Variants in ZNF770 observed in about 807,000 individuals in gnomAD.
ZNF770 encodes zinc finger protein 770.
A neutral mutation model predicts 44.8 loss-of-function variants in ZNF770; 13 were observed. The ratio of observed to expected loss-of-function variants is 0.29; its 90% CI spans 0.19 to 0.46. ZNF770 has a LOEUF of 0.46. ZNF770 is among the 20% of genes least tolerant of loss of function. The pLI, the probability that ZNF770 is intolerant of heterozygous loss-of-function variation, is 1.00. For missense variants in ZNF770, 681 were observed against 797.9 expected (o/e 0.85, Z 1.77); for synonymous variants, 304 against 271.8 (o/e 1.12, Z -1.17).
intron 2 of ZNF770, among the ~76,000 whole-genome samples, chr15:34,983,823 T>G (rs2050417925): frequency 6.6e-6 from 1 of 152,192 alleles, no homozygotes; most frequent in African/African-American, 2.4e-5. Context: ...TTAGGTAGAT[T>G]TGCCAGTATT....
chr15:34,984,974 A>G (rs1417579055), intron 2 of ZNF770, among the ~76,000 whole-genome samples: 2 of 152,028 alleles, frequency 1.3e-5, no homozygotes, highest in Non-Finnish European at 2.9e-5. Context: ...CTCGACTAAA[A>G]ATACAAAAAT....
rs571909757 is a variant in ZNF770 at position 34,988,068 on chromosome 15, G to A, written c.-174+48C>T. The stretch of plus-strand genomic sequence containing the variant: ...GTGGGGAAGTGAGAAAGCAAAAGGA[G>A]CTCAGGAACTGAGGTTGTGGAGCCC... On this transcript the variant is annotated intron_variant, in intron 1 of 2. Transcript: ENST00000356321. 3.9e-5 allele frequency: 6 copies of A among 152,448 alleles called. No homozygotes were observed. The South Asian group carries it at 1.2e-3, about 32-fold the overall frequency. The allele number at this position is 152,448 out of a possible 1,614,324, so 9.4% of individuals were successfully genotyped here.
rs1404385097 is a variant in ZNF770, at chr15:34,982,097, T to C, written c.1338A>G (p.Ser446=). Reference sequence around the variant, plus strand: ...CACAGTTATTAAAGAATTCCTCACCTGATGAACCACAGATTGACAAGTCTT... The same window carrying C: ...CACAGTTATTAAAGAATTCCTCACCCGATGAACCACAGATTGACAAGTCTT... ...NKKDLSICGS[S]GEEFFNNCEV... is the part of the protein sequence containing the mutation. The change falls in exon 3 of 3, where the codon TCA becomes TCG. Residue 446 remains serine (S), a synonymous_variant. Coordinates refer to ENST00000356321, the MANE Select transcript of ZNF770 (RefSeq NM_014106.4). 1.2e-6 allele frequency: 2 copies of C among 1,613,960 alleles called. No individual in the cohort carries two copies. The highest frequency in any genetic ancestry group is 1.7e-5 in the Admixed American group (1 of 60,026).
In ZNF770 at chr15:34,983,065, T is replaced by C; in HGVS notation, c.370A>G (p.Lys124Glu). 7 of 1,614,116 alleles carry C rather than the reference T, an allele frequency of 4.3e-6. No homozygotes were observed. The highest frequency in any genetic ancestry group is 5.1e-6 in the Non-Finnish European group (6 of 1,179,980). The change falls in exon 3 of 3, where the codon AAG (lysine) becomes GAG (glutamate). Residue 124 changes from lysine (K) to glutamate (E), a missense_variant. By Grantham distance (56) the Lys-to-Glu change is moderately conservative (BLOSUM62 1). Coordinates refer to ENST00000356321, the MANE Select transcript of ZNF770 (RefSeq NM_014106.4). ...VRRLLEAKQE[K>E]SMYGVYNTFT... Reference sequence around the variant, plus strand: ...GTATTATACACTCCATACATTGACTTTTCTTGCTTGGCCTCCAGCAATCTT... The same window carrying C: ...GTATTATACACTCCATACATTGACTCTTCTTGCTTGGCCTCCAGCAATCTT...
intron 1 of ZNF770, 96 bp downstream of exon 1, chr15:34,988,019 CT>C (rs1566799924): frequency 1.3e-5 from 2 of 152,296 alleles, no homozygotes; most frequent in African/African-American, 2.4e-5. Context: ...CAAATTTCTG[CT>C]CCGCGTGAGA....
In ZNF770 at chr15:34,982,670, T is replaced by C. The variant is rs1213145667; in HGVS notation, c.765A>G (p.Glu255=). 6.2e-7 allele frequency: 1 copy of C among 1,612,788 alleles called. No individual in the cohort carries two copies. Among genetic ancestry groups the C allele is most frequent in the South Asian group, 1.1e-5 (1 of 91,020 alleles). ...TTAACTTATTAGGCAGGGGGCGAGA[T>C]TCTGTACGCCTCTTCTTTAATAAAA... ...RALLLKKRRT[E]SRPLPNKLNA... The change falls in exon 3 of 3, where the codon GAA becomes GAG. Residue 255 remains glutamate, a synonymous_variant. Transcript: ENST00000356321.
chr15:34,982,081 T>G lies in ZNF770; in HGVS notation c.1354A>C (p.Asn452His). Residue 452 changes from asparagine (N) to histidine (H), a missense_variant, in exon 3 of 3, where the codon AAT becomes CAT. Around this residue, in one of 5 missense-constraint regions of ZNF770, gnomAD observed 432 missense variants for 434.1 expected, o/e 1.00. Coordinates refer to ENST00000356321, the MANE Select transcript of ZNF770 (RefSeq NM_014106.4). ...ICGSSGEEFF[N>H]NCEVLQCGFS... Reference sequence around the variant, plus strand: ...CCACACTGAAGTACCTCACAGTTATTAAAGAATTCCTCACCTGATGAACCA... The same window carrying G: ...CCACACTGAAGTACCTCACAGTTATGAAAGAATTCCTCACCTGATGAACCA... 6.2e-7 allele frequency: 1 copy of G among 1,613,878 alleles called. No individual in the cohort carries two copies. The highest frequency in any genetic ancestry group is 8.5e-7 in the Non-Finnish European group (1 of 1,180,016).
In ZNF770 at chr15:34,982,792, G is replaced by T. The variant is rs764473415; in HGVS notation, c.643C>A (p.Pro215Thr). ...TTTTGACAAAAACAACATTGAAAAG[G>T]TCTTTCTTCTGAATGTGTAAGTTGG... ...IHQLTHSEER[P>T]FQCCFCQKGF... The change falls in exon 3 of 3, where the codon CCT becomes ACT. Residue 215 changes from proline (P) to threonine (T), a missense_variant. Coordinates refer to ENST00000356321, the MANE Select transcript of ZNF770 (RefSeq NM_014106.4). The T allele has an allele frequency of 6.2e-7, 1 of 1,613,874 alleles. No homozygotes were observed. Among genetic ancestry groups the T allele is most frequent in the Non-Finnish European group, 8.5e-7 (1 of 1,179,970 alleles).
chr15:34,985,153 A>G (rs1036103819), intron 2 of ZNF770, among the ~76,000 whole-genome samples: 4 of 143,228 alleles, frequency 2.8e-5, no homozygotes, highest in Non-Finnish European at 6.0e-5. Flanking sequence ...AAAAAAAAAA[A>G]GTTTAGCAAG....
rs550351491 is a variant in ZNF770 at position 34,987,613 on chromosome 15, A to C, written c.-113T>G. ...AAAGCCTGTTGATTTTCTTGTCTTG[A>C]CTAGTACCATTAAAACGATGTGAGG... On this transcript the variant is annotated 5_prime_UTR_variant, in exon 2 of 3. Coordinates refer to ENST00000356321, the MANE Select transcript of ZNF770 (RefSeq NM_014106.4). 6.6e-6 allele frequency: 1 copy of C among 152,366 alleles called. No homozygotes were observed. The highest frequency in any genetic ancestry group is 2.1e-4 in the South Asian group (1 of 4,834). 9.4% of individuals were successfully genotyped at this position (152,366 alleles called of 1,614,324 possible).
In ZNF770 at chr15:34,987,637, G is replaced by A. The variant is rs994865177; in HGVS notation, c.-137C>T. ...GACTAGTACCATTAAAACGATGTGA[G>A]GATTTCACGAAAGTAAGCGAACAAG... On this transcript the variant is annotated 5_prime_UTR_variant, in exon 2 of 3. Transcript: ENST00000356321. The A allele has an allele frequency of 6.6e-6, 1 of 152,174 alleles. No homozygotes were observed. Among genetic ancestry groups the A allele is most frequent in the Non-Finnish European group, 1.5e-5 (1 of 68,034 alleles). 9.4% of individuals were successfully genotyped at this position (152,174 alleles called of 1,614,324 possible).
rs942852558 is a variant in ZNF770 at position 34,988,200 on chromosome 15, G to A, written c.-258C>T. 6.6e-6 allele frequency: 1 copy of A among 152,236 alleles called. No individual in the cohort carries two copies. Among genetic ancestry groups the A allele is most frequent in the African/African-American group, 2.4e-5 (1 of 41,462 alleles). 9.4% of individuals were successfully genotyped at this position (152,236 alleles called of 1,614,324 possible). On this transcript the variant is annotated 5_prime_UTR_variant, in exon 1 of 3. Coordinates refer to ENST00000356321, the MANE Select transcript of ZNF770 (RefSeq NM_014106.4). ...TTTCTGAAGTCCTCCTCACGCATCT[G>A]GAGCTGGCGAGGGCCCGGGAGGCAC...
chr15:34,981,219 C>A lies in ZNF770; in HGVS notation c.*140G>T. 2.5e-6 allele frequency: 2 copies of A among 813,296 alleles called. No individual in the cohort carries two copies. The highest frequency in any genetic ancestry group is 3.7e-6 in the Non-Finnish European group (2 of 539,168). The allele number at this position is 813,296 out of a possible 1,614,324, so 50.4% of individuals were successfully genotyped here. ...TTGTATTAATTTTCTATGTATTCTA[C>A]CTCCTTACTATGCAGGACAAGCAAA... is the stretch of plus-strand genomic sequence containing the variant. On this transcript the variant is annotated 3_prime_UTR_variant, in exon 3 of 3. Transcript: ENST00000356321.
Position 34,982,938 on chromosome 15 carries a change from C to T in ZNF770, c.497G>A (p.Gly166Asp). The change falls in exon 3 of 3, where the codon GGC (glycine) becomes GAC (aspartate). Residue 166 changes from glycine (G) to aspartate (D), a missense_variant. Physicochemically the swap from Gly to Asp is moderately conservative, Grantham distance 94. Around this residue, in one of 5 missense-constraint regions of ZNF770, gnomAD observed 432 missense variants for 434.1 expected, o/e 1.00. Transcript: ENST00000356321. ...RKNIHACTIC[G>D]KMFPSQSKLD... ...TTTTGACTGTGATGGAAACATCTTG[C>T]CACAGATTGTACATGCATGAATATT... 2 of 1,614,014 alleles carry T rather than the reference C, an allele frequency of 1.2e-6. No homozygotes were observed. Among genetic ancestry groups the T allele is most frequent in the Non-Finnish European group, 1.7e-6 (2 of 1,179,992 alleles).
In ZNF770 at chr15:34,981,779, A is replaced by G. The variant is rs373318403; in HGVS notation, c.1656T>C (p.Asn552=). The G allele has an allele frequency of 2.4e-5, 38 of 1,614,078 alleles. No individual in the cohort carries two copies. In the African/African-American group the frequency reaches 4.7e-4, roughly 20 times the overall value. ...ATTGTTGGGAAGCATTATAGTTAAC[A>G]TTATTACCTGAATGATTAGAAAGAT... ...FNNLSNHSGN[N]VNYNASQQCQ... Residue 552 remains asparagine (N), a synonymous_variant, in exon 3 of 3, where the codon AAT becomes AAC. Coordinates refer to ENST00000356321, the MANE Select transcript of ZNF770 (RefSeq NM_014106.4).
chr15:34,979,890 G>A lies in ZNF770; in HGVS notation c.*1469C>T, dbSNP rs928639642. On this transcript the variant is annotated 3_prime_UTR_variant, in exon 3 of 3. Transcript: ENST00000356321. ...CAAAGGCAAATATGAAGGAAAATTT[G>A]TAATTATGAAATAAGTCCTTTGTAG... 6 of 297,054 alleles carry A rather than the reference G, an allele frequency of 2.0e-5. No individual in the cohort carries two copies. The highest frequency in any genetic ancestry group is 1.4e-4 in the African/African-American group (6 of 43,892). 18.4% of individuals were successfully genotyped at this position (297,054 alleles called of 1,614,324 possible).
rs1180301225 is a variant in ZNF770 at position 34,979,556 on chromosome 15, A to G, written c.*1803T>C. Reference sequence around the variant, plus strand: ...CAGGCACACTTCTACATCACTGGGTATTTTACTCAGACTGTCATGTTTCAT... The same window carrying G: ...CAGGCACACTTCTACATCACTGGGTGTTTTACTCAGACTGTCATGTTTCAT... On this transcript the variant is annotated 3_prime_UTR_variant, in exon 3 of 3. Transcript: ENST00000356321. The G allele has an allele frequency of 4.7e-6, 2 of 424,708 alleles. No individual in the cohort carries two copies. The highest frequency in any genetic ancestry group is 9.4e-6 in the Non-Finnish European group (2 of 213,776). 26.3% of individuals were successfully genotyped at this position (424,708 alleles called of 1,614,324 possible). A position where few individuals can be genotyped will look rare whatever the true frequency, so the allele number is the denominator to read the frequency against.
At position 34,978,762 on chromosome 15, in the gene ZNF770, A is replaced by G. The variant is rs2050382554; in HGVS notation, c.*2597T>C. 1 of 152,144 alleles carries G rather than the reference A, an allele frequency of 6.6e-6. No homozygotes were observed. Among genetic ancestry groups the G allele is most frequent in the African/African-American group, 2.4e-5 (1 of 41,426 alleles). The allele number at this position is 152,144 out of a possible 1,614,324, so 9.4% of individuals were successfully genotyped here. ...TAAATAAGTACAGTTGTCCCTTGGT[A>G]TCCATGGGGTATTGGTTCCTGGACC... On this transcript the variant is annotated 3_prime_UTR_variant, in exon 3 of 3. Coordinates refer to ENST00000356321, the MANE Select transcript of ZNF770 (RefSeq NM_014106.4).
intron 2 of ZNF770, among the ~76,000 whole-genome samples, chr15:34,985,045 A>G (rs1203478318): frequency 6.6e-6 from 1 of 151,750 alleles, no homozygotes; most frequent in African/African-American, 2.4e-5. Flanking sequence ...GCAGCACGAT[A>G]ATTGCTTGAA....
Sources: allele counts gnomAD v4.1 joint callset (sites outside exome capture counted in the v4.1 genomes callset), GRCh38; gene constraint gnomAD v4.1.1; regional missense constraint gnomAD v4.1.1; transcripts MANE v1.5; gene names NCBI Gene and HGNC (gene_info 2026-07-23, HGNC 2026-07-21).